PARD6B: variants seen among roughly 807,000 people sequenced by gnomAD.
PARD6B encodes par-6 family cell polarity regulator beta, also known as partitioning defective 6 homolog beta.
A neutral mutation model predicts 10.5 loss-of-function variants in PARD6B; 4 were observed. The ratio of observed to expected loss-of-function variants is 0.38; its 90% CI spans 0.19 to 0.87. The LOEUF is 0.87. Ranked by LOEUF, PARD6B falls within the 40% of genes least tolerant of loss-of-function variation. PARD6B has a pLI of 0.41. For missense variants in PARD6B, 396 were observed against 470.6 expected (o/e 0.84, Z 1.47); for synonymous variants, 169 against 170.4 (o/e 0.99, Z 0.07).
intron 2 of PARD6B, among the ~76,000 whole-genome samples, chr20:50,746,066 G>GT (rs5841809): frequency 0.062 from 9,128 of 146,614 alleles, 277 homozygotes; most frequent in South Asian, 0.088. Context: ...TTATGTAGAA[G>GT]TTTTTTTTTT....
In PARD6B at chr20:50,753,052, A is replaced by C. The variant is rs892304120; in HGVS notation, c.*2564A>C. 8.3e-6 allele frequency: 8 copies of C among 960,096 alleles called. No homozygotes were observed. The highest frequency in any genetic ancestry group is 9.7e-6 in the Non-Finnish European group (8 of 820,728). 59.5% of individuals were successfully genotyped at this position (960,096 alleles called of 1,614,324 possible). On this transcript the variant is annotated 3_prime_UTR_variant, in exon 3 of 3. Coordinates refer to ENST00000371610, the MANE Select transcript of PARD6B (RefSeq NM_032521.3). The stretch of plus-strand genomic sequence containing the variant: ...CAGGGGTTCAACATTTTAAGTAAAA[A>C]TATTTTTACACACTACCTCTCTCTT...
Position 50,751,676 on chromosome 20 carries a change from C to T in PARD6B, c.*1188C>T, listed in dbSNP as rs2087611386. On this transcript the variant is annotated 3_prime_UTR_variant, in exon 3 of 3. Coordinates refer to ENST00000371610, the MANE Select transcript of PARD6B (RefSeq NM_032521.3). Reference sequence around the variant, plus strand: ...TTTCTGGTTTCTAAGAATCAAACCACTTGGCTGTTTTTAGGAGTTACTTCC... The same window carrying T: ...TTTCTGGTTTCTAAGAATCAAACCATTTGGCTGTTTTTAGGAGTTACTTCC... 1.0e-6 allele frequency: 1 copy of T among 983,088 alleles called. No individual in the cohort carries two copies. The highest frequency in any genetic ancestry group is 1.8e-5 in the African/African-American group (1 of 56,570). 60.9% of individuals were successfully genotyped at this position (983,088 alleles called of 1,614,324 possible). A position where few individuals can be genotyped will look rare whatever the true frequency, so the allele number is the denominator to read the frequency against.
chr20:50,752,053 T>G lies in PARD6B; in HGVS notation c.*1565T>G. On this transcript the variant is annotated 3_prime_UTR_variant, in exon 3 of 3. Coordinates refer to ENST00000371610, the MANE Select transcript of PARD6B (RefSeq NM_032521.3). ...CAACAGTTGTTCAAATTGGTGTTTG[T>G]CCTTCCTATAGCTTTCATATTTTCA... The G allele has an allele frequency of 1.0e-6, 1 of 985,406 alleles. No homozygotes were observed. The highest frequency in any genetic ancestry group is 1.2e-6 in the Non-Finnish European group (1 of 829,882). The allele number at this position is 985,406 out of a possible 1,614,324, so 61.0% of individuals were successfully genotyped here.
At position 50,751,048 on chromosome 20, in the gene PARD6B, C is replaced by T; in HGVS notation, c.*560C>T. ...GCAGTGGCATGATCACAGCTCTCTG[C>T]AGCCTCAATCCCCTGGGCTCAAGCA... is the stretch of plus-strand genomic sequence containing the variant. On this transcript the variant is annotated 3_prime_UTR_variant, in exon 3 of 3. Coordinates refer to ENST00000371610, the MANE Select transcript of PARD6B (RefSeq NM_032521.3). 3 of 565,572 alleles carry T rather than the reference C, an allele frequency of 5.3e-6. No individual in the cohort carries two copies. Among genetic ancestry groups the T allele is most frequent in the East Asian group, 1.6e-4 (1 of 6,348 alleles). 35.0% of individuals were successfully genotyped at this position (565,572 alleles called of 1,614,324 possible).
intron 2 of PARD6B, among the ~76,000 whole-genome samples, chr20:50,739,878 G>A (rs1452921003): frequency 7.5e-6 from 1 of 133,146 alleles, no homozygotes; most frequent in African/African-American, 2.8e-5. Context: ...AGGGTGGGGG[G>A]AGGGGAGAAG....
chr20:50,749,572 GA>G, intron 2 of PARD6B, 86 bp from the exon 3 acceptor site: 1 of 1,145,930 alleles, frequency 8.7e-7, no homozygotes, highest in South Asian at 1.7e-5. Flanking sequence ...AATATATTTT[GA>G]GTTATCCTTT....
chr20:50,752,179 C>T lies in PARD6B; in HGVS notation c.*1691C>T, dbSNP rs2087616389. On this transcript the variant is annotated 3_prime_UTR_variant, in exon 3 of 3. Coordinates refer to ENST00000371610, the MANE Select transcript of PARD6B (RefSeq NM_032521.3). ...CTTTAACCTATTCTTGTTCCCATTCCCAGTCTCATTTGAAATCATTCCTTT... is the reference window on the plus strand; with the variant it reads ...CTTTAACCTATTCTTGTTCCCATTCTCAGTCTCATTTGAAATCATTCCTTT... The T allele has an allele frequency of 1.0e-6, 1 of 985,408 alleles. No homozygotes were observed. Among genetic ancestry groups the T allele is most frequent in the Non-Finnish European group, 1.2e-6 (1 of 829,750 alleles). The allele number at this position is 985,408 out of a possible 1,614,324, so 61.0% of individuals were successfully genotyped here. A position where few individuals can be genotyped will look rare whatever the true frequency, so the allele number is the denominator to read the frequency against.
chr20:50,737,945 A>G lies in PARD6B; in HGVS notation c.155A>G (p.Lys52Arg). Residue 52 changes from lysine to arginine, a missense_variant, in exon 2 of 3, where the codon AAG becomes AGG. This residue lies in a region of PARD6B where 208 missense variants were observed against 300.9 expected (regional missense o/e 0.69). Transcript: ENST00000371610. Reference protein sequence around the residue: ...EFYGLLQHVHKIPNVDVLVGY... With the variant: ...EFYGLLQHVHRIPNVDVLVGY... ...TATGGATTACTACAACATGTTCATAAGATCCCCAATGTTGACGTTTTGGTA... is the reference window on the plus strand; with the variant it reads ...TATGGATTACTACAACATGTTCATAGGATCCCCAATGTTGACGTTTTGGTA... 6.2e-7 allele frequency: 1 copy of G among 1,613,712 alleles called. No individual in the cohort carries two copies. Among genetic ancestry groups the G allele is most frequent in the South Asian group, 1.1e-5 (1 of 90,996 alleles).
chr20:50,750,752 G>T lies in PARD6B; in HGVS notation c.*264G>T. 1 of 1,219,758 alleles carries T rather than the reference G, an allele frequency of 8.2e-7. No homozygotes were observed. Among genetic ancestry groups the T allele is most frequent in the Non-Finnish European group, 1.0e-6 (1 of 974,234 alleles). The allele number at this position is 1,219,758 out of a possible 1,614,324, so 75.6% of individuals were successfully genotyped here. A position where few individuals can be genotyped will look rare whatever the true frequency, so the allele number is the denominator to read the frequency against. ...CTGTTTTGTCTGTGGAGAATCAGAT[G>T]TTAAAGCACATTCTTGGAACTATGT... On this transcript the variant is annotated 3_prime_UTR_variant, in exon 3 of 3. Transcript: ENST00000371610.
intron 2 of PARD6B, among the ~76,000 whole-genome samples, chr20:50,746,022 C>T (rs933441481): frequency 6.6e-6 from 1 of 151,130 alleles, no homozygotes; most frequent in African/African-American, 2.4e-5. Flanking sequence ...ATAATGGTTG[C>T]TGTTTTGTTA....
intron 2 of PARD6B, among the ~76,000 whole-genome samples, chr20:50,746,103 T>A (rs1449670009): frequency 6.6e-6 from 1 of 152,042 alleles, no homozygotes; most frequent in African/African-American, 2.4e-5. Context: ...TTACTCACTG[T>A]GAAGCTTTTA....
Position 50,750,926 on chromosome 20 carries a change from G to C in PARD6B, c.*438G>C. On this transcript the variant is annotated 3_prime_UTR_variant, in exon 3 of 3. Coordinates refer to ENST00000371610, the MANE Select transcript of PARD6B (RefSeq NM_032521.3). ...TACATTGGGGACCTCAGCTCTTAAA[G>C]GTCTCATGTTCCCAATATTTTATTT... The C allele has an allele frequency of 2.3e-6, 2 of 886,570 alleles. No homozygotes were observed. The highest frequency in any genetic ancestry group is 2.7e-6 in the Non-Finnish European group (2 of 748,378). The allele number at this position is 886,570 out of a possible 1,614,324, so 54.9% of individuals were successfully genotyped here.
At chr20:50,745,815 T>C (rs533005255) in intron 2 of PARD6B, among the ~76,000 whole-genome samples, 1 of 152,306 alleles carries the variant, frequency 6.6e-6, no homozygotes, top group African/African-American at 2.4e-5. Flanking sequence ...CCACATAATA[T>C]TTTATGGATT....
Position 50,751,990 on chromosome 20 carries a change from A to G in PARD6B, c.*1502A>G. 1 of 985,390 alleles carries G rather than the reference A, an allele frequency of 1.0e-6. No individual in the cohort carries two copies. Among genetic ancestry groups the G allele is most frequent in the Non-Finnish European group, 1.2e-6 (1 of 829,924 alleles). The allele number at this position is 985,390 out of a possible 1,614,324, so 61.0% of individuals were successfully genotyped here. A position where few individuals can be genotyped will look rare whatever the true frequency, so the allele number is the denominator to read the frequency against. On this transcript the variant is annotated 3_prime_UTR_variant, in exon 3 of 3. Transcript: ENST00000371610. ...TGCTGGATTGCAGGCATGAGCGCCT[A>G]GCCAGGAAGCTATCTTTTCTTGAGT...
In PARD6B at chr20:50,750,282, C is replaced by T. The variant is rs1568999201; in HGVS notation, c.913C>T (p.Gln305Ter). 1.9e-6 allele frequency: 3 copies of T among 1,614,192 alleles called. No individual in the cohort carries two copies. The highest frequency in any genetic ancestry group is 1.7e-6 in the Non-Finnish European group (2 of 1,180,040). The stretch of plus-strand genomic sequence containing the variant: ...TATCATTGAAGACAATGGAGTGCCA[C>T]AGCAGATTCCAAAAGCTGTTCCTAA... Reference protein sequence around the residue: ...DIIIEDNGVPQQIPKAVPNTE... With the variant: ...DIIIEDNGVP Residue 305 changes from glutamine (Q) to a stop codon, truncating the protein, a stop_gained, in exon 3 of 3, where the codon CAG (glutamine) becomes TAG (stop). Coordinates refer to ENST00000371610, the MANE Select transcript of PARD6B (RefSeq NM_032521.3). LOFTEE classifies it low-confidence loss of function (END_TRUNC).
chr20:50,743,655 G>A (rs546919690), intron 2 of PARD6B, among the ~76,000 whole-genome samples: 2 of 152,078 alleles, frequency 1.3e-5, no homozygotes, highest in African/African-American at 2.4e-5. Context: ...TTTGGTGGCC[G>A]AGGCGGGCGA....
intron 1 of PARD6B, 150 bp downstream of exon 1, chr20:50,732,002 T>G: frequency 1.8e-4 from 60 of 342,036 alleles, no homozygotes; most frequent in Middle Eastern, 9.4e-4. Flanking sequence ...GTAATAAACT[T>G]GCCGAGGAGG....
chr20:50,738,868 G>C (rs562017109), intron 2 of PARD6B, among the ~76,000 whole-genome samples: 57 of 151,886 alleles, frequency 3.8e-4, no homozygotes, highest in Admixed American at 7.2e-4. Flanking sequence ...TGATCCTCCA[G>C]TCCCTGCCTC....
At chr20:50,743,682 A>T (rs2123704325) in intron 2 of PARD6B, among the ~76,000 whole-genome samples, 1 of 152,172 alleles carries the variant, frequency 6.6e-6, no homozygotes, top group Middle Eastern at 3.4e-3. Flanking sequence ...AGATCAGGAG[A>T]TCGAGACCAT....
Sources: allele counts gnomAD v4.1 joint callset (sites outside exome capture counted in the v4.1 genomes callset), GRCh38; gene constraint gnomAD v4.1.1; regional missense constraint gnomAD v4.1.1; transcripts MANE v1.5; gene names NCBI Gene and HGNC (gene_info 2026-07-23, HGNC 2026-07-21).